PCDHGB4: variants seen among roughly 807,000 people sequenced by gnomAD.
PCDHGB4 encodes the protein protocadherin gamma subfamily B, 4.
PCDHGB4 carries 38 observed loss-of-function variants against 60.5 expected under a neutral mutation model. The ratio of observed to expected loss-of-function variants is 0.63; its 90% CI spans 0.48 to 0.82. The LOEUF (loss-of-function observed/expected upper bound fraction) is 0.82, where lower values mean the gene tolerates loss of function less well. PCDHGB4 is among the 40% of genes least tolerant of loss of function. The pLI, the probability that PCDHGB4 is intolerant of heterozygous loss-of-function variation, is 0.00. For synonymous variants in PCDHGB4, 456 were observed against 509.7 expected (o/e 0.89, Z 1.42); for missense variants, 1,109 against 1,209.6 (o/e 0.92, Z 1.23).
chr5:141,402,994 C>A (rs1253121982), intron 1 of PCDHGB4: 1 of 1,613,722 alleles, frequency 6.2e-7, no homozygotes, highest in Non-Finnish European at 8.5e-7. Context: ...GAAGATTAGT[C>A]CTGCTATGCT....
chr5:141,389,321 G>T lies in PCDHGB4; in HGVS notation c.1437G>T (p.Leu479Phe), dbSNP rs570682726. 1 of 1,613,982 alleles carries T rather than the reference G, an allele frequency of 6.2e-7. No homozygotes were observed. ...AAGTCAGGGCTTCTGATCCGGACTT[G>T]GGGCCCAACGGCCAAGTCTCTTACT... ...ISQVRASDPD[L>F]GPNGQVSYCI... Residue 479 changes from leucine to phenylalanine, a missense_variant, in exon 1 of 4, where the codon TTG (leucine) becomes TTT (phenylalanine). By Grantham distance (22) the Leu-to-Phe change is conservative (BLOSUM62 0). Around this residue, in one of 2 missense-constraint regions of PCDHGB4, gnomAD observed 1,068 missense variants for 1,089.9 expected, o/e 0.98. Transcript: ENST00000519479.
Position 141,436,345 on chromosome 5 carries a change from G to A in PCDHGB4, c.2397+46064G>A, listed in dbSNP as rs930858667. 5.9e-4 allele frequency among the ~76,000 whole-genome samples: 90 copies of A among 152,212 alleles called. 1 individual carries two copies. Among genetic ancestry groups the A allele is most frequent in the African/African-American group, 1.7e-3 (69 of 41,540 alleles). ...GTTAGACCATATCTCAAATATCAGT[G>A]ACTTCAATCAACTATGTTTCCAGTT... On this transcript the variant is annotated intron_variant, in intron 1 of 3. Coordinates refer to ENST00000519479, the MANE Select transcript of PCDHGB4 (RefSeq NM_003736.4).
At chr5:141,434,695 AAT>A (rs1228504579) in intron 1 of PCDHGB4, among the ~76,000 whole-genome samples, 7 of 152,212 alleles carry the variant, frequency 4.6e-5, no homozygotes, top group Non-Finnish European at 8.8e-5. Flanking sequence ...GCTGTTAATA[AAT>A]ATGTGGGTAA....
chr5:141,399,738 G>C (rs1484510317), intron 1 of PCDHGB4: 2 of 1,613,268 alleles, frequency 1.2e-6, no homozygotes, highest in African/African-American at 1.3e-5. Flanking sequence ...GCTCGCCTGC[G>C]CTCAGCGCAA....
chr5:141,491,513 A>C lies in PCDHGB4; in HGVS notation c.2398-3294A>C, dbSNP rs1163218369. On this transcript the variant is annotated intron_variant, in intron 1 of 3. Coordinates refer to ENST00000519479, the MANE Select transcript of PCDHGB4 (RefSeq NM_003736.4). The surrounding 1 kb of genome is among the most constrained non-coding windows in gnomAD (Gnocchi z 6.9). ...CAGGTGAGCTCGGACGGCACGCTCAAGTACATGGAGGTGACGCTGCGGCCC... is the reference window on the plus strand; with the variant it reads ...CAGGTGAGCTCGGACGGCACGCTCACGTACATGGAGGTGACGCTGCGGCCC... The C allele has an allele frequency of 6.2e-7, 1 of 1,613,934 alleles. No individual in the cohort carries two copies. Among genetic ancestry groups the C allele is most frequent in the East Asian group, 2.2e-5 (1 of 44,888 alleles).
intron 1 of PCDHGB4, among the ~76,000 whole-genome samples, chr5:141,468,797 C>T (rs191599825): frequency 0.01 from 1,525 of 151,876 alleles, 28 homozygotes; most frequent in African/African-American, 0.035. Flanking sequence ...ACCCGGGAGG[C>T]GGAACTTGCA....
chr5:141,466,468 T>C (rs1266315455), intron 1 of PCDHGB4, among the ~76,000 whole-genome samples: 1 of 152,368 alleles, frequency 6.6e-6, no homozygotes, highest in East Asian at 1.9e-4. Flanking sequence ...TTGTTTCTGC[T>C]GTTAATTGTA....
intron 1 of PCDHGB4, chr5:141,405,288 T>C: frequency 6.2e-7 from 1 of 1,614,110 alleles, no homozygotes; most frequent in African/African-American, 1.3e-5. Context: ...GCAGACACAC[T>C]CATCAGCCAG....
At chr5:141,492,312 C>T (rs1470136040) in intron 1 of PCDHGB4, among the ~76,000 whole-genome samples, 2 of 152,348 alleles carry the variant, frequency 1.3e-5, no homozygotes, top group African/African-American at 4.8e-5. Flanking sequence ...CGCACGCACT[C>T]CTCGCACGTG....
chr5:141,437,591 G>T (rs1177672004), intron 1 of PCDHGB4, among the ~76,000 whole-genome samples: 5 of 152,170 alleles, frequency 3.3e-5, no homozygotes, highest in Non-Finnish European at 7.3e-5. Flanking sequence ...GAATTGGATA[G>T]TTCTGGTGTA....
chr5:141,399,968 G>T (rs1173181110), intron 1 of PCDHGB4: 2 of 1,612,128 alleles, frequency 1.2e-6, no homozygotes, highest in Non-Finnish European at 1.7e-6. Flanking sequence ...GGGCTCTTCA[G>T]CCTGGGGCTG....
chr5:141,415,400 C>G (rs754292889), intron 1 of PCDHGB4: 3 of 1,614,110 alleles, frequency 1.9e-6, no homozygotes, highest in Non-Finnish European at 2.5e-6. Context: ...GTGTCCGGCT[C>G]GCACTTTGTG....
At chr5:141,507,858 AC>A (rs2099864314) in intron 3 of PCDHGB4, among the ~76,000 whole-genome samples, 1 of 151,748 alleles carries the variant, frequency 6.6e-6, no homozygotes, top group African/African-American at 2.4e-5. Flanking sequence ...TCACTTTCAC[AC>A]CCGCTTCCTA....
rs1460138722 is a variant in PCDHGB4, at chr5:141,388,989, G to A, written c.1105G>A (p.Val369Ile). The A allele has an allele frequency of 6.2e-7, 1 of 1,613,886 alleles. No homozygotes were observed. Among genetic ancestry groups the A allele is most frequent in the African/African-American group, 1.3e-5 (1 of 74,918 alleles). Residue 369 changes from valine (V) to isoleucine (I), a missense_variant, in exon 1 of 4, where the codon GTC (valine) becomes ATC (isoleucine). Val to Ile is a conservative substitution (Grantham distance 29). This residue lies in a region of PCDHGB4 where 1,068 missense variants were observed against 1,089.9 expected (regional missense o/e 0.98). Coordinates refer to ENST00000519479, the MANE Select transcript of PCDHGB4 (RefSeq NM_003736.4). ...ELGTHIALLKVRDKDSRHNGE... is the reference protein window; with the variant it reads ...ELGTHIALLKIRDKDSRHNGE... The stretch of plus-strand genomic sequence containing the variant: ...GGGAACACATATTGCTTTGCTCAAA[G>A]TCCGTGACAAGGATTCCAGACACAA...
chr5:141,403,853 A>G (rs765359583), intron 1 of PCDHGB4: 3 of 1,613,726 alleles, frequency 1.9e-6, no homozygotes, highest in Non-Finnish European at 2.5e-6. Context: ...TACTGGGGAA[A>G]TATCAACAGC....
chr5:141,423,929 G>C, intron 1 of PCDHGB4: 1 of 1,236,074 alleles, frequency 8.1e-7, no homozygotes, highest in East Asian at 3.5e-5. Flanking sequence ...TGCTGGTTTG[G>C]TTTGAAGTAA....
At chr5:141,422,705 C>T (rs371027437) in intron 1 of PCDHGB4, 2 of 1,602,706 alleles carry the variant, frequency 1.2e-6, no homozygotes, top group South Asian at 1.1e-5. Context: ...TACTCTCTGA[C>T]GGATGACACT....
At chr5:141,415,524 C>G in intron 1 of PCDHGB4, 1 of 1,614,154 alleles carries the variant, frequency 6.2e-7, no homozygotes, top group Non-Finnish European at 8.5e-7. Context: ...CGGACACGCT[C>G]ATCAGCCAGG....
At chr5:141,420,245 G>A (rs72790042) in intron 1 of PCDHGB4, 83,459 of 1,583,130 alleles carry the variant, frequency 0.053, 2,452 homozygotes, top group African/African-American at 0.1. Context: ...AACTCCCAGC[G>A]TTGAAGCAGA....
Sources: allele counts gnomAD v4.1 joint callset (sites outside exome capture counted in the v4.1 genomes callset), GRCh38; gene constraint gnomAD v4.1.1; regional missense constraint gnomAD v4.1.1; non-coding constraint Gnocchi (gnomAD v3.1); transcripts MANE v1.5; gene names NCBI Gene and HGNC (gene_info 2026-07-23, HGNC 2026-07-21).